Variants in LRRTM4 observed in about 807,000 individuals in gnomAD.
LRRTM4 encodes the protein leucine rich repeat transmembrane neuronal 4.
Under a neutral mutation model 47.6 loss-of-function variants are expected in LRRTM4, and 25 were observed. That is an observed-to-expected ratio of 0.53 (90% confidence interval 0.38 to 0.73). The LOEUF is 0.73. Ranked by LOEUF, LRRTM4 falls within the 30% of genes least tolerant of loss-of-function variation. LRRTM4 has a pLI of 0.00. For synonymous variants in LRRTM4, 311 were observed against 269.5 expected (o/e 1.15, Z -1.51); for missense variants, 638 against 713.4 (o/e 0.89, Z 1.20).
At chr2:77,036,840 C>G (rs1049078900) in intron 3 of LRRTM4, among the ~76,000 whole-genome samples, 2 of 151,618 alleles carry the variant, frequency 1.3e-5, no homozygotes, top group Admixed American at 1.3e-4. Flanking sequence ...ATAAGCGTCC[C>G]AACCCAACTT....
intron 3 of LRRTM4, among the ~76,000 whole-genome samples, chr2:76,771,339 A>G (rs1673694554): frequency 6.6e-6 from 1 of 152,208 alleles, no homozygotes; most frequent in Admixed American, 6.5e-5. Flanking sequence ...ATGCAGCAGG[A>G]ATGAGATAGA....
At chr2:76,816,441 T>C (rs912139317) in intron 3 of LRRTM4, among the ~76,000 whole-genome samples, 2 of 152,012 alleles carry the variant, frequency 1.3e-5, no homozygotes, top group African/African-American at 2.4e-5. Context: ...AAGAAAATAA[T>C]AGTCATGAAA....
chr2:77,214,897 G>C (rs1674393143), intron 3 of LRRTM4, among the ~76,000 whole-genome samples: 1 of 152,000 alleles, frequency 6.6e-6, no homozygotes, highest in Non-Finnish European at 1.5e-5. Flanking sequence ...AGTTTTCTGT[G>C]GGGTATCATA....
At chr2:77,022,223 A>G (rs1678299727) in intron 3 of LRRTM4, among the ~76,000 whole-genome samples, 1 of 152,138 alleles carries the variant, frequency 6.6e-6, no homozygotes. Flanking sequence ...ATTCACTACC[A>G]TGGGAACAGT....
At chr2:77,259,804 AGT>A (rs1461135077) in intron 3 of LRRTM4, among the ~76,000 whole-genome samples, 2 of 152,084 alleles carry the variant, frequency 1.3e-5, no homozygotes, top group African/African-American at 4.8e-5. Context: ...TAATTTTTAC[AGT>A]GTTGATATAA....
chr2:76,894,640 G>C (rs1406012613), intron 3 of LRRTM4, among the ~76,000 whole-genome samples: 2 of 151,858 alleles, frequency 1.3e-5, no homozygotes, highest in Non-Finnish European at 2.9e-5. Flanking sequence ...TCTGGTGATG[G>C]TATTACAAAT....
chr2:77,371,293 C>T (rs991910102), intron 3 of LRRTM4, among the ~76,000 whole-genome samples: 1 of 151,750 alleles, frequency 6.6e-6, no homozygotes, highest in African/African-American at 2.4e-5. Flanking sequence ...CATCATAGAA[C>T]CATTTGTATT....
chr2:77,483,942 A>C (rs115114699), intron 3 of LRRTM4, among the ~76,000 whole-genome samples: 153 of 152,330 alleles, frequency 1.0e-3, no homozygotes, highest in Admixed American at 1.8e-3. Context: ...TAGAAACTTC[A>C]TCTCAGCATC....
At chr2:77,367,112 T>C (rs1007567903) in intron 3 of LRRTM4, among the ~76,000 whole-genome samples, 3 of 151,822 alleles carry the variant, frequency 2.0e-5, no homozygotes, top group African/African-American at 7.3e-5. Flanking sequence ...AGAGCCTGAA[T>C]GTATTGATTT....
At chr2:77,378,380 A>T (rs902511070) in intron 3 of LRRTM4, among the ~76,000 whole-genome samples, 2 of 152,056 alleles carry the variant, frequency 1.3e-5, no homozygotes, top group African/African-American at 2.4e-5. Context: ...CTAAGGCTAT[A>T]ATTTTATTTT....
intron 3 of LRRTM4, among the ~76,000 whole-genome samples, chr2:77,014,595 T>C (rs1287677809): frequency 6.6e-6 from 1 of 151,752 alleles, no homozygotes; most frequent in Non-Finnish European, 1.5e-5. Flanking sequence ...GCAGATCGCC[T>C]GAGGTCAGGA....
At chr2:76,891,031 A>G (rs1347344485) in intron 3 of LRRTM4, among the ~76,000 whole-genome samples, 1 of 151,826 alleles carries the variant, frequency 6.6e-6, no homozygotes, top group Non-Finnish European at 1.5e-5. Context: ...AGGTCTTGAC[A>G]TTTCGCTGGA....
At chr2:77,091,165 C>T (rs958090561) in intron 3 of LRRTM4, among the ~76,000 whole-genome samples, 1 of 151,828 alleles carries the variant, frequency 6.6e-6, no homozygotes, top group African/African-American at 2.4e-5. Flanking sequence ...ATCTGCTTCC[C>T]TGACTATTCC....
intron 3 of LRRTM4, among the ~76,000 whole-genome samples, chr2:76,801,546 G>A (rs2103773465): frequency 6.6e-6 from 1 of 152,166 alleles, no homozygotes; most frequent in East Asian, 1.9e-4. Context: ...GATAGCATTA[G>A]GAGATATACC....
chr2:77,263,704 T>C (rs1675977704), intron 3 of LRRTM4, among the ~76,000 whole-genome samples: 1 of 152,154 alleles, frequency 6.6e-6, no homozygotes, highest in Admixed American at 6.6e-5. Flanking sequence ...TAAAATAATG[T>C]CACTGATGAT....
chr2:77,136,619 G>A (rs537432997), intron 3 of LRRTM4, among the ~76,000 whole-genome samples: 2 of 152,306 alleles, frequency 1.3e-5, no homozygotes, highest in East Asian at 3.9e-4. Flanking sequence ...GAACAAAGCT[G>A]GATAGAGAAT....
In LRRTM4 at chr2:76,901,047, G is replaced by A. The variant is rs1673611680; in HGVS notation, c.1552-152131C>T. 2.0e-5 allele frequency among the ~76,000 whole-genome samples: 3 copies of A among 151,994 alleles called. No homozygotes were observed. In the South Asian group the frequency reaches 6.2e-4, roughly 31 times the overall value. On this transcript the variant is annotated intron_variant, in intron 3 of 3. Coordinates refer to ENST00000409884, the MANE Select transcript of LRRTM4 (RefSeq NM_001134745.3). ...ATGAGAAAAATTGTTTTTTTAATTTGTATTTTTATTTTAAGTTCCAGAGTA... is the reference window on the plus strand; with the variant it reads ...ATGAGAAAAATTGTTTTTTTAATTTATATTTTTATTTTAAGTTCCAGAGTA...
intron 3 of LRRTM4, among the ~76,000 whole-genome samples, chr2:77,186,807 A>C (rs1673517170): frequency 6.6e-6 from 1 of 152,190 alleles, no homozygotes. Flanking sequence ...AGTTGAGAGA[A>C]GCTTGGTTTC....
At chr2:76,993,061 GCTAATCTGT>G (rs1677069687) in intron 3 of LRRTM4, among the ~76,000 whole-genome samples, 1 of 151,712 alleles carries the variant, frequency 6.6e-6, no homozygotes, top group Non-Finnish European at 1.5e-5. Context: ...TGGATACCTG[GCTAATCTGT>G]CTGAAAGAAT....
Sources: allele counts gnomAD v4.1 joint callset (sites outside exome capture counted in the v4.1 genomes callset), GRCh38; gene constraint gnomAD v4.1.1; transcripts MANE v1.5; gene names NCBI Gene and HGNC (gene_info 2026-07-23, HGNC 2026-07-21).